Variants in PTOV1 observed in about 807,000 individuals in gnomAD.
The protein encoded by PTOV1 is prostate tumor-overexpressed gene 1 protein.
Under a neutral mutation model 58.0 loss-of-function variants are expected in PTOV1, and 20 were observed. That is an observed-to-expected ratio of 0.34 (90% confidence interval 0.24 to 0.50). The LOEUF (loss-of-function observed/expected upper bound fraction) is 0.50. Ranked by LOEUF, PTOV1 falls within the 20% of genes least tolerant of loss-of-function variation. PTOV1 has a pLI of 0.98. For missense variants in PTOV1, 593 were observed against 565.4 expected (o/e 1.05, Z -0.50); for synonymous variants, 335 against 234.2 (o/e 1.43, Z -3.93).
At chr19:49,851,547 C>T (rs561073370) in intron 1 of PTOV1, 48 bp downstream of exon 1, 23 of 1,095,044 alleles carry the variant, frequency 2.1e-5, no homozygotes, top group Non-Finnish European at 2.6e-5. Context: ...CCCGCCCCCC[C>T]AGCCCCTATC....
exon 12 of PTOV1, chr19:49,860,389 G>GGGC: frequency 1.7e-6 from 2 of 1,203,044 alleles, no homozygotes; most frequent in East Asian, 2.7e-5. Context: ...TGTGGGGGGG[G>GGGC]TGGGGTTGGG....
At chr19:49,853,084 G>C (rs1450828546) in intron 1 of PTOV1, 1 of 151,914 alleles carries the variant, frequency 6.6e-6, no homozygotes, top group Non-Finnish European at 1.5e-5. Context: ...AATCACCTGC[G>C]TGGGTGGAGA....
At chr19:49,856,873 C>T (rs930994947) in intron 5 of PTOV1, 102 bp from the exon 6 acceptor site, 31 of 1,416,730 alleles carry the variant, frequency 2.2e-5, no homozygotes, top group South Asian at 7.6e-5. Context: ...CTCTGTCCAC[C>T]GATGATCTCC....
intron 1 of PTOV1, chr19:49,852,019 A>T: frequency 1.0e-6 from 1 of 985,464 alleles, no homozygotes; most frequent in Non-Finnish European, 1.2e-6. Context: ...GGATGCTTTG[A>T]TGGACTGCCG....
At chr19:49,854,572 T>C in intron 2 of PTOV1, 29 bp downstream of exon 2, 1 of 1,612,544 alleles carries the variant, frequency 6.2e-7, no homozygotes, top group East Asian at 2.2e-5. Flanking sequence ...GCGGCTGGCC[T>C]CCAGGGTCTT....
At chr19:49,859,952 G>A (rs1568652964) in intron 10 of PTOV1, 34 bp from the exon 11 acceptor site, 2 of 1,610,656 alleles carry the variant, frequency 1.2e-6, no homozygotes, top group Non-Finnish European at 8.5e-7. Flanking sequence ...TCCCTGTGGT[G>A]CTGTCTGGTG....
chr19:49,858,128 G>T lies in PTOV1; in HGVS notation c.936+14G>T, dbSNP rs755661713. On this transcript the variant is annotated intron_variant, in intron 9 of 11. Transcript: ENST00000391842. ...CAGCAGCTGCTGGTGAGGGGCTGGG[G>T]CCGGGTGCTGGAGCCTGCACGCAGT... The T allele has an allele frequency of 4.3e-6, 7 of 1,611,570 alleles. No homozygotes were observed. The Admixed American group carries it at 8.3e-5, about 19-fold the overall frequency.
Position 49,858,338 on chromosome 19 carries a change from G to A in PTOV1, c.937-211G>A, listed in dbSNP as rs144839240. The A allele has an allele frequency of 5.1e-3, 3,564 of 697,132 alleles. 80 individuals carry two copies. The East Asian group carries it at 0.058, about 11-fold the overall frequency. 43.2% of individuals were successfully genotyped at this position (697,132 alleles called of 1,614,324 possible). A position where few individuals can be genotyped will look rare whatever the true frequency, so the allele number is the denominator to read the frequency against. Reference sequence around the variant, plus strand: ...GACTGAGCGGGGCAGGGGCAGCCACGACCTGCACCTGGGGGGCTGCCAAGG... The same window carrying A: ...GACTGAGCGGGGCAGGGGCAGCCACAACCTGCACCTGGGGGGCTGCCAAGG... On this transcript the variant is annotated intron_variant, in intron 9 of 11. Transcript: ENST00000391842.
At chr19:49,857,512 TG>T (rs554730111) in intron 6 of PTOV1, 180 bp from the exon 7 acceptor site, 24 of 657,492 alleles carry the variant, frequency 3.7e-5, no homozygotes, top group Middle Eastern at 4.1e-4. Flanking sequence ...CTCAGGCCAC[TG>T]GGGAGCCATG....
chr19:49,854,055 A>C lies in PTOV1; in HGVS notation c.172-351A>C, dbSNP rs1470121175. On this transcript the variant is annotated intron_variant, in intron 1 of 11. Coordinates refer to ENST00000391842, the Ensembl canonical transcript of PTOV1. The stretch of plus-strand genomic sequence containing the variant: ...TGGGCCCAGCCTGGGGCACGGGGAA[A>C]GCCCCCTACAGCTGGCTTCTAACTT... Among the ~76,000 whole-genome samples the C allele has an allele frequency of 2.0e-5, 3 of 152,356 alleles. No homozygotes were observed. In the East Asian group the frequency reaches 5.8e-4, roughly 29 times the overall value.
intron 10 of PTOV1, 139 bp from the exon 11 acceptor site, chr19:49,859,847 C>T (rs2074669865): frequency 5.5e-6 from 5 of 909,528 alleles, no homozygotes; most frequent in Non-Finnish European, 8.6e-6. Flanking sequence ...AGGGGGCCCA[C>T]CTCCAGGGTG....
chr19:49,860,262 C>T lies in PTOV1; in HGVS notation c.1240-6C>T, dbSNP rs776221143. On this transcript the variant is annotated splice_region_variant and splice_polypyrimidine_tract_variant and intron_variant, in intron 11 of 11. Transcript: ENST00000391842. ...CTCACCACTGGCCTCTGATTTCTCG[C>T]CGTAGATGGGGGGGTAGTGGTTACC... 1.2e-6 allele frequency: 2 copies of T among 1,613,576 alleles called. No individual in the cohort carries two copies. The highest frequency in any genetic ancestry group is 1.3e-5 in the African/African-American group (1 of 74,898).
At position 49,854,639 on chromosome 19, in the gene PTOV1, C is replaced by T; in HGVS notation, c.310-13C>T. 6.2e-7 allele frequency: 1 copy of T among 1,613,402 alleles called. No homozygotes were observed. Among genetic ancestry groups the T allele is most frequent in the Non-Finnish European group, 8.5e-7 (1 of 1,179,938 alleles). ...CTAGGCTGTGCACAGTGACGCCCCT[C>T]CTGCCCCCACAGAAGCGCAGACCCT... On this transcript the variant is annotated splice_polypyrimidine_tract_variant and intron_variant, in intron 2 of 11. Coordinates refer to ENST00000391842, the Ensembl canonical transcript of PTOV1.
At chr19:49,853,493 TAAA>T (rs34050372) in intron 1 of PTOV1, among the ~76,000 whole-genome samples, 20 of 113,572 alleles carry the variant, frequency 1.8e-4, no homozygotes, top group African/African-American at 2.3e-4. Context: ...CCATCTCTAC[TAAA>T]AAAAAAAAAA....
exon 12 of PTOV1, chr19:49,860,389 G>GCCCCGGGGGGC: frequency 8.3e-7 from 1 of 1,203,046 alleles, no homozygotes; most frequent in East Asian, 2.7e-5. Context: ...TGTGGGGGGG[G>GCCCCGGGGGGC]TGGGGTTGGG....
chr19:49,851,258 C>T, exon 1 of PTOV1: 1 of 1,113,816 alleles, frequency 9.0e-7, no homozygotes, highest in Non-Finnish European at 1.1e-6. Flanking sequence ...GCCCGCGCCC[C>T]TCAGTCGGTG....
chr19:49,860,024 G>C (rs770581312), exon 11 of PTOV1: 1 of 1,614,192 alleles, frequency 6.2e-7, no homozygotes, highest in Middle Eastern at 1.6e-4. Context: ...CATCGTGTGA[G>C]ATCCGCGTGC....
upstream of PTOV1, chr19:49,851,070 C>T (rs1018198868): frequency 1.4e-6 from 2 of 1,470,686 alleles, no homozygotes; most frequent in East Asian, 5.3e-5. Context: ...CGCTCCCGCC[C>T]GGGCCCCGCT....
rs986865926 is a variant in PTOV1, at chr19:49,859,811, C to T, written c.1042-175C>T. The stretch of plus-strand genomic sequence containing the variant: ...CTGTTGGCCTTTGGCCCACCCATTG[C>T]TCTTGGCCACCGTGTCATCCCAATA... On this transcript the variant is annotated intron_variant, in intron 10 of 11. Coordinates refer to ENST00000391842, the Ensembl canonical transcript of PTOV1. 7.3e-5 allele frequency: 49 copies of T among 668,350 alleles called. 1 individual carries two copies. In the South Asian group the frequency reaches 8.3e-4, roughly 11 times the overall value. 41.4% of individuals were successfully genotyped at this position (668,350 alleles called of 1,614,324 possible). A position where few individuals can be genotyped will look rare whatever the true frequency, so the allele number is the denominator to read the frequency against.
Sources: gnomAD v4.1 joint callset for allele counts (sites outside exome capture counted in the v4.1 genomes callset) on GRCh38, gnomAD v4.1.1 for gene constraint, MANE v1.5 for transcripts, NCBI Gene and HGNC (gene_info 2026-07-23, HGNC 2026-07-21) for gene names.